C8orf34: variants seen among roughly 807,000 people sequenced by gnomAD.
The protein encoded by C8orf34 is chromosome 8 open reading frame 34.
C8orf34 carries 65 observed loss-of-function variants against 68.3 expected under a neutral mutation model. The ratio of observed to expected loss-of-function variants is 0.95; its 90% CI spans 0.78 to 1.17. The LOEUF is 1.17. C8orf34 is among the 50% of genes most tolerant of loss of function. The pLI, the probability that C8orf34 is intolerant of heterozygous loss-of-function variation, is 0.00. For synonymous variants in C8orf34, 244 were observed against 241.2 expected, an observed-to-expected ratio of 1.01 and a Z score of -0.11; for missense variants, 664 against 655.4, an observed-to-expected ratio of 1.01 and a Z score of -0.14.
At chr8:68,445,615 T>G (rs1225731358) in intron 2 of C8orf34, among the ~76,000 whole-genome samples, 2 of 152,148 alleles carry the variant, frequency 1.3e-5, no homozygotes, top group Non-Finnish European at 2.9e-5. Flanking sequence ...AGAAGATAAA[T>G]TGATTTGGGT....
chr8:68,575,162 A>G (rs1346402750), intron 7 of C8orf34, among the ~76,000 whole-genome samples: 1 of 152,088 alleles, frequency 6.6e-6, no homozygotes, highest in Non-Finnish European at 1.5e-5. Context: ...GAAAAGCACA[A>G]GGATGTCATA....
chr8:68,715,681 A>T (rs1431005178), intron 9 of C8orf34, among the ~76,000 whole-genome samples: 1 of 151,592 alleles, frequency 6.6e-6, no homozygotes, highest in African/African-American at 2.4e-5. Flanking sequence ...GTTGGTGTGG[A>T]TGTGGTGAAA....
chr8:68,530,019 G>A (rs1407642116), intron 6 of C8orf34, among the ~76,000 whole-genome samples: 1 of 151,884 alleles, frequency 6.6e-6, no homozygotes, highest in East Asian at 1.9e-4. Flanking sequence ...AGCCGTAACT[G>A]TCTTTTTACA....
intron 12 of C8orf34, among the ~76,000 whole-genome samples, chr8:68,798,173 G>C (rs1310246961): frequency 7.1e-6 from 1 of 140,394 alleles, no homozygotes; most frequent in African/African-American, 3.1e-5. Context: ...CTTTTAAATA[G>C]AGACAAGGTC....
At chr8:68,411,745 A>G (rs942969890) in intron 1 of C8orf34, among the ~76,000 whole-genome samples, 2 of 152,222 alleles carry the variant, frequency 1.3e-5, no homozygotes, top group Non-Finnish European at 2.9e-5. Flanking sequence ...TTTACTTTCA[A>G]TAAACCACTA....
rs79351939 is a variant in C8orf34, at chr8:68,502,381, A to G, written c.765+14330A>G. On this transcript the variant is annotated intron_variant, in intron 5 of 13. Transcript: ENST00000518698. ...CTATCTTGTACCAGAAGGCAAAAAC[A>G]CTACCAAAGATCACTAAGATTTTGT... 1.2e-4 allele frequency among the ~76,000 whole-genome samples: 19 copies of G among 152,342 alleles called. No individual in the cohort carries two copies. The East Asian group carries it at 3.3e-3, about 26-fold the overall frequency.
chr8:68,421,814 G>A (rs910295027), intron 1 of C8orf34, among the ~76,000 whole-genome samples: 2 of 152,158 alleles, frequency 1.3e-5, no homozygotes, highest in Non-Finnish European at 2.9e-5. Context: ...AAAGAAAAGA[G>A]CCTTAATTGA....
At chr8:68,677,405 G>A (rs1039174379) in intron 8 of C8orf34, among the ~76,000 whole-genome samples, 1 of 151,960 alleles carries the variant, frequency 6.6e-6, no homozygotes, top group East Asian at 1.9e-4. Context: ...GTCACTCAGG[G>A]TGGAGTGCAG....
chr8:68,686,190 G>A (rs1820513600), intron 8 of C8orf34, among the ~76,000 whole-genome samples: 1 of 151,932 alleles, frequency 6.6e-6, no homozygotes, highest in Admixed American at 6.6e-5. Flanking sequence ...TGGATTCACG[G>A]CTGAATTCTA....
rs746929231 is a variant in C8orf34 at position 68,815,882 on chromosome 8, G to T, written c.1550-4G>T. The stretch of plus-strand genomic sequence containing the variant: ...ATATTATCTCTGTTTCTTTTGTTGT[G>T]CAGGTTCCGCTGATCTTCTTCTTTG... On this transcript the variant is annotated splice_region_variant and splice_polypyrimidine_tract_variant and intron_variant, in intron 12 of 13. Transcript: ENST00000518698. 40 of 1,613,524 alleles carry T rather than the reference G, an allele frequency of 2.5e-5. No homozygotes were observed. The highest frequency in any genetic ancestry group is 3.4e-5 in the Non-Finnish European group (40 of 1,179,692).
rs557316206 is a variant in C8orf34, at chr8:68,730,425, T to C, written c.1404+8988T>C. The stretch of plus-strand genomic sequence containing the variant: ...AAAATTAAGTGCCATAGTAGGCAAG[T>C]TATCTAACCAAATTTTGGGATCTGG... On this transcript the variant is annotated intron_variant, in intron 10 of 13. Coordinates refer to ENST00000518698, the MANE Select transcript of C8orf34 (RefSeq NM_052958.4). Among the ~76,000 whole-genome samples the C allele has an allele frequency of 5.1e-4, 78 of 152,272 alleles. 1 individual carries two copies. The highest frequency in any genetic ancestry group is 1.1e-3 in the Non-Finnish European group (75 of 68,000).
chr8:68,458,632 T>C (rs1811651233), intron 3 of C8orf34, among the ~76,000 whole-genome samples: 1 of 152,164 alleles, frequency 6.6e-6, no homozygotes, highest in South Asian at 2.1e-4. Context: ...CTGATACAAA[T>C]ATTGTTTTTT....
chr8:68,789,672 G>A (rs924002570), intron 12 of C8orf34, among the ~76,000 whole-genome samples: 4 of 152,038 alleles, frequency 2.6e-5, no homozygotes, highest in African/African-American at 9.7e-5. Flanking sequence ...CACAAAATAA[G>A]CCTTCAATAA....
At chr8:68,739,920 A>G (rs1822233549) in intron 10 of C8orf34, among the ~76,000 whole-genome samples, 1 of 152,120 alleles carries the variant, frequency 6.6e-6, no homozygotes, top group South Asian at 2.1e-4. Flanking sequence ...AGACACATAG[A>G]CCAGAATAGA....
At chr8:68,623,638 A>T (rs1467712638) in intron 7 of C8orf34, among the ~76,000 whole-genome samples, 2 of 152,234 alleles carry the variant, frequency 1.3e-5, no homozygotes, top group Admixed American at 1.3e-4. Context: ...ACAGTTGTGG[A>T]GGCTGGAAGT....
At chr8:68,756,065 T>TA (rs11393380) in intron 10 of C8orf34, among the ~76,000 whole-genome samples, 30,214 of 140,240 alleles carry the variant, frequency 0.22, 4,142 homozygotes, top group African/African-American at 0.41. Flanking sequence ...AGACTCTATC[T>TA]AAAAAAAACA....
At chr8:68,635,411 T>C (rs1818807340) in intron 7 of C8orf34, among the ~76,000 whole-genome samples, 1 of 152,158 alleles carries the variant, frequency 6.6e-6, no homozygotes, top group African/African-American at 2.4e-5. Flanking sequence ...ATGAAAGACA[T>C]TAATAAGTCA....
rs142287278 is a variant in C8orf34 at position 68,513,461 on chromosome 8, C to T, written c.766-8338C>T. Among the ~76,000 whole-genome samples, 624 of 152,224 alleles carry T rather than the reference C, an allele frequency of 4.1e-3. 2 individuals carry two copies. The highest frequency in any genetic ancestry group is 6.1e-3 in the Non-Finnish European group (417 of 68,032). On this transcript the variant is annotated intron_variant, in intron 5 of 13. Coordinates refer to ENST00000518698, the MANE Select transcript of C8orf34 (RefSeq NM_052958.4). ...CTTGCCACCGGAGTTACAAGCCATG[C>T]CCTCAGGATGTAAAACAAGACAGAG...
intron 1 of C8orf34, among the ~76,000 whole-genome samples, chr8:68,374,894 A>G (rs1227056086): frequency 1.3e-5 from 2 of 152,212 alleles, no homozygotes; most frequent in Non-Finnish European, 2.9e-5. Flanking sequence ...ATGATAAAGT[A>G]AGGTAAATAT....
Sources: allele counts gnomAD v4.1 joint callset (sites outside exome capture counted in the v4.1 genomes callset), GRCh38; gene constraint gnomAD v4.1.1; transcripts MANE v1.5; gene names NCBI Gene and HGNC (gene_info 2026-07-23, HGNC 2026-07-21).